The following YIPF4 variants were observed in gnomAD, a reference collection of about 807,000 sequenced individuals.
The protein encoded by YIPF4 is Yip1 domain family member 4, also known as protein YIPF4.
In YIPF4, 18 loss-of-function variants were observed where a neutral mutation model predicts 29.4. The observed-to-expected ratio is 0.61, with a 90% confidence interval of 0.42 to 0.91. The LOEUF is 0.91. Ranked by LOEUF, YIPF4 falls within the 40% of genes least tolerant of loss-of-function variation. The probability of loss-of-function intolerance (pLI) is 0.00; values close to 1 mark genes in which losing one functional copy is unlikely to be tolerated. For synonymous variants in YIPF4, 115 were observed against 104.7 expected (o/e 1.10, Z -0.60); for missense variants, 279 against 282.7 (o/e 0.99, Z 0.09).
rs2031590006 is a variant in YIPF4, at chr2:32,306,639, C to G, written c.*1013C>G. On this transcript the variant is annotated 3_prime_UTR_variant, in exon 6 of 6. Coordinates refer to ENST00000238831, the MANE Select transcript of YIPF4 (RefSeq NM_032312.4). ...TTAACAAGTATCAGGTACTCTCTAA[C>G]AAATGTACAGTTTTTGCTAAGGGAA... The G allele has an allele frequency of 4.1e-6, 4 of 972,906 alleles. No homozygotes were observed. The highest frequency in any genetic ancestry group is 4.9e-6 in the Non-Finnish European group (4 of 818,744). 60.3% of individuals were successfully genotyped at this position (972,906 alleles called of 1,614,324 possible). A position where few individuals can be genotyped will look rare whatever the true frequency, so the allele number is the denominator to read the frequency against.
rs2030803944 is a variant in YIPF4, at chr2:32,289,040, TAGAC to T, written c.80-1441_80-1438del. ...AAATTCCACCTCTCTCATTTCAACT[TAGAC>T]AAAGAAGTAGCAAGCACTTATAAGA... On this transcript the variant is annotated intron_variant, in intron 1 of 5. Transcript: ENST00000238831. Among the ~76,000 whole-genome samples, 3 of 152,330 alleles carry T rather than the reference TAGAC, an allele frequency of 2.0e-5. No homozygotes were observed. In the South Asian group the frequency reaches 6.2e-4, roughly 32 times the overall value.
In YIPF4 at chr2:32,308,426, A is replaced by C. The variant is rs554998990; in HGVS notation, c.*2800A>C. The C allele has an allele frequency of 2.0e-5, 3 of 151,988 alleles. No homozygotes were observed. Among genetic ancestry groups the C allele is most frequent in the African/African-American group, 7.2e-5 (3 of 41,498 alleles). The allele number at this position is 151,988 out of a possible 1,614,324, so 9.4% of individuals were successfully genotyped here. A position where few individuals can be genotyped will look rare whatever the true frequency, so the allele number is the denominator to read the frequency against. On this transcript the variant is annotated 3_prime_UTR_variant, in exon 6 of 6. Coordinates refer to ENST00000238831, the MANE Select transcript of YIPF4 (RefSeq NM_032312.4). ...ACCAGGCCAGTTCATTAGAATTTTT[A>C]AAACAGGCTGGGCATGGTGGCTTAC...
At chr2:32,288,197 CCTACATATGTCCTTGATATTTTTTCTA>C (rs1163073146) in intron 1 of YIPF4, among the ~76,000 whole-genome samples, 1 of 152,000 alleles carries the variant, frequency 6.6e-6, no homozygotes, top group Non-Finnish European at 1.5e-5. Context: ...TGTTGGCATT[CCTACATATGTCCTTGATATTTTTTCTA>C]CTTTACATGG....
rs1265225276 is a variant in YIPF4 at position 32,306,392 on chromosome 2, T to C, written c.*766T>C. 1.0e-6 allele frequency: 1 copy of C among 985,228 alleles called. No individual in the cohort carries two copies. Among genetic ancestry groups the C allele is most frequent in the Non-Finnish European group, 1.2e-6 (1 of 829,470 alleles). 61.0% of individuals were successfully genotyped at this position (985,228 alleles called of 1,614,324 possible). On this transcript the variant is annotated 3_prime_UTR_variant, in exon 6 of 6. Coordinates refer to ENST00000238831, the MANE Select transcript of YIPF4 (RefSeq NM_032312.4). ...TTTCTGACCAAAGGAGCAAGAGGTATAATGGATATGGCATTCATTAAAATC... is the reference window on the plus strand; with the variant it reads ...TTTCTGACCAAAGGAGCAAGAGGTACAATGGATATGGCATTCATTAAAATC...
In YIPF4 at chr2:32,298,942, A is replaced by G. The variant is rs192473005; in HGVS notation, c.483+631A>G. ...ACCCAGGCTGGAGTACAGTGGCACA[A>G]TCTCGGCTCACTGCTACCTCCACCT... On this transcript the variant is annotated intron_variant, in intron 4 of 5. Transcript: ENST00000238831. Among the ~76,000 whole-genome samples the G allele has an allele frequency of 9.9e-5, 15 of 151,956 alleles. No homozygotes were observed. In the East Asian group the frequency reaches 2.5e-3, roughly 25 times the overall value.
rs569785420 is a variant in YIPF4 at position 32,290,342 on chromosome 2, A to T, written c.80-141A>T. ...TGGTTTTTAGATGTCTGTCAACTAT[A>T]AAATTTGAAGATTATATGCAATAGC... On this transcript the variant is annotated intron_variant, in intron 1 of 5. Coordinates refer to ENST00000238831, the MANE Select transcript of YIPF4 (RefSeq NM_032312.4). The T allele has an allele frequency of 5.1e-5, 25 of 493,000 alleles. No individual in the cohort carries two copies. The Admixed American group carries it at 9.0e-4, about 18-fold the overall frequency. The allele number at this position is 493,000 out of a possible 1,614,324, so 30.5% of individuals were successfully genotyped here. A position where few individuals can be genotyped will look rare whatever the true frequency, so the allele number is the denominator to read the frequency against.
intron 1 of YIPF4, among the ~76,000 whole-genome samples, chr2:32,287,393 T>C (rs1049651099): frequency 6.6e-6 from 1 of 152,184 alleles, no homozygotes; most frequent in Non-Finnish European, 1.5e-5. Context: ...TTTTCAAGTC[T>C]GAGATGAGAT....
At chr2:32,300,254 G>A (rs1361157233) in intron 4 of YIPF4, among the ~76,000 whole-genome samples, 2 of 151,540 alleles carry the variant, frequency 1.3e-5, no homozygotes, top group South Asian at 2.1e-4. Flanking sequence ...CAACAAGAGC[G>A]AAACTCCGTC....
rs1203732104 is a variant in YIPF4, at chr2:32,314,052, C to T, written c.*8426C>T. On this transcript the variant is annotated 3_prime_UTR_variant, in exon 6 of 6. Coordinates refer to ENST00000238831, the MANE Select transcript of YIPF4 (RefSeq NM_032312.4). The stretch of plus-strand genomic sequence containing the variant: ...TGCAATTATACTCTTGACATATATT[C>T]AACCGAAATGCATGTACATGTACCA... 6.6e-6 allele frequency: 1 copy of T among 152,182 alleles called. No individual in the cohort carries two copies. The highest frequency in any genetic ancestry group is 1.9e-4 in the East Asian group (1 of 5,200). 9.4% of individuals were successfully genotyped at this position (152,182 alleles called of 1,614,324 possible).
chr2:32,314,955 G>C lies in YIPF4; in HGVS notation c.*9329G>C, dbSNP rs943179215. 6.6e-6 allele frequency: 1 copy of C among 152,064 alleles called. No homozygotes were observed. Among genetic ancestry groups the C allele is most frequent in the African/African-American group, 2.4e-5 (1 of 41,378 alleles). The allele number at this position is 152,064 out of a possible 1,614,324, so 9.4% of individuals were successfully genotyped here. On this transcript the variant is annotated 3_prime_UTR_variant, in exon 6 of 6. Transcript: ENST00000238831. ...TACTGTATCAGATAGGAACATATTT[G>C]GTTGCAAGAAACAAAAATTCCTGTG... is the stretch of plus-strand genomic sequence containing the variant.
At chr2:32,278,529 C>T (rs1351333419) in intron 1 of YIPF4, among the ~76,000 whole-genome samples, 2 of 152,116 alleles carry the variant, frequency 1.3e-5, no homozygotes, top group Non-Finnish European at 2.9e-5. Flanking sequence ...CCCACAAAAT[C>T]CTAAGCTTTT....
intron 4 of YIPF4, among the ~76,000 whole-genome samples, chr2:32,298,985 C>T (rs1309926447): frequency 6.6e-6 from 1 of 151,956 alleles, no homozygotes; most frequent in African/African-American, 2.4e-5. Flanking sequence ...TCAAGCGATT[C>T]TCCTGCCTTA....
rs1558484669 is a variant in YIPF4 at position 32,310,643 on chromosome 2, T to A, written c.*5017T>A. ...CTGTAATCCCAGCACTTTGGAAGGC[T>A]GAGGCGGGAGGACTGTTTTGTGGCC... On this transcript the variant is annotated 3_prime_UTR_variant, in exon 6 of 6. Coordinates refer to ENST00000238831, the MANE Select transcript of YIPF4 (RefSeq NM_032312.4). The A allele has an allele frequency of 6.6e-6, 1 of 152,200 alleles. No homozygotes were observed. The highest frequency in any genetic ancestry group is 1.5e-5 in the Non-Finnish European group (1 of 68,044). The allele number at this position is 152,200 out of a possible 1,614,324, so 9.4% of individuals were successfully genotyped here. A position where few individuals can be genotyped will look rare whatever the true frequency, so the allele number is the denominator to read the frequency against.
At position 32,310,095 on chromosome 2, in the gene YIPF4, C is replaced by T. The variant is rs1323597337; in HGVS notation, c.*4469C>T. The T allele has an allele frequency of 6.6e-6, 1 of 152,224 alleles. No individual in the cohort carries two copies. Among genetic ancestry groups the T allele is most frequent in the Non-Finnish European group, 1.5e-5 (1 of 68,040 alleles). 9.4% of individuals were successfully genotyped at this position (152,224 alleles called of 1,614,324 possible). A position where few individuals can be genotyped will look rare whatever the true frequency, so the allele number is the denominator to read the frequency against. ...AGCTAAAAATCACCCTTACCCAATTCTCTGCACTGACATATGTACACAAAG... is the reference window on the plus strand; with the variant it reads ...AGCTAAAAATCACCCTTACCCAATTTTCTGCACTGACATATGTACACAAAG... On this transcript the variant is annotated 3_prime_UTR_variant, in exon 6 of 6. Transcript: ENST00000238831.
chr2:32,294,388 G>C (rs995343868), intron 3 of YIPF4, among the ~76,000 whole-genome samples: 2 of 151,992 alleles, frequency 1.3e-5, no homozygotes, highest in Non-Finnish European at 2.9e-5. Flanking sequence ...CCTCCCAGAC[G>C]TGGTCGCGGC....
At chr2:32,295,598 C>G (rs536394145) in intron 3 of YIPF4, among the ~76,000 whole-genome samples, 1 of 152,214 alleles carries the variant, frequency 6.6e-6, no homozygotes, top group South Asian at 2.1e-4. Context: ...ACTTAAATCT[C>G]CTTCAGTTTC....
At chr2:32,298,341 C>T in intron 4 of YIPF4, 30 bp downstream of exon 4, 1 of 1,532,268 alleles carries the variant, frequency 6.5e-7, no homozygotes, top group Non-Finnish European at 9.0e-7. Context: ...AATAATCTTC[C>T]TTATTTATGG....
Position 32,305,477 on chromosome 2 carries a change from CT to C in YIPF4, c.598-5del. The stretch of plus-strand genomic sequence containing the variant: ...AATATGCTGCCTTTTGTCTTTTTTC[CT>C]TTTTTTAAAGCTGTTTGGTGTGTTT... On this transcript the variant is annotated splice_polypyrimidine_tract_variant and intron_variant, in intron 5 of 5. Transcript: ENST00000238831. 2.1e-5 allele frequency: 32 copies of C among 1,519,594 alleles called. No individual in the cohort carries two copies. Among genetic ancestry groups the C allele is most frequent in the South Asian group, 5.5e-5 (4 of 72,462 alleles). The allele number at this position is 1,519,594 out of a possible 1,614,324, so 94.1% of individuals were successfully genotyped here.
intron 1 of YIPF4, among the ~76,000 whole-genome samples, chr2:32,280,391 T>C (rs1290123577): frequency 6.7e-6 from 1 of 148,542 alleles, no homozygotes; most frequent in Non-Finnish European, 1.5e-5. Context: ...TAATTTTTTT[T>C]TTTTTTGAGA....
Sources: allele counts gnomAD v4.1 joint callset (sites outside exome capture counted in the v4.1 genomes callset), GRCh38; gene constraint gnomAD v4.1.1; transcripts MANE v1.5; gene names NCBI Gene and HGNC (gene_info 2026-07-23, HGNC 2026-07-21).